Variants in FAM186B observed in about 807,000 individuals in gnomAD.
FAM186B encodes the protein protein FAM186B.
FAM186B carries 68 observed loss-of-function variants against 83.4 expected under a neutral mutation model. The observed-to-expected ratio is 0.81, with a 90% confidence interval of 0.67 to 1.00. The LOEUF (loss-of-function observed/expected upper bound fraction) is 1.00, where lower values mean the gene tolerates loss of function less well. Ranked by LOEUF, FAM186B falls within the 50% of genes least tolerant of loss-of-function variation. The probability of loss-of-function intolerance (pLI) is 0.00; values close to 1 mark genes in which losing one functional copy is unlikely to be tolerated. For missense variants in FAM186B, 983 were observed against 1,099.2 expected, an observed-to-expected ratio of 0.89 and a Z score of 1.49; for synonymous variants, 389 against 422.0, an observed-to-expected ratio of 0.92 and a Z score of 0.96.
chr12:49,598,828 C>G lies in FAM186B; in HGVS notation c.2291G>C (p.Trp764Ser), dbSNP rs1284192623. Reference protein sequence around the residue: ...DRLQSLRLQAWTDKQKGLEEK... With the variant: ...DRLQSLRLQASTDKQKGLEEK... ...CTCCAGCCCCTTCTGCTTGTCCGTC[C>G]AGGCCTGCAGCCTGAGACTCTGCAG... The change falls in exon 5 of 7, where the codon TGG becomes TCG. Residue 764 changes from tryptophan (W) to serine (S), a missense_variant. Physicochemically the swap from Trp to Ser is radical, Grantham distance 177 (BLOSUM62 -3). Transcript: ENST00000257894. The G allele has an allele frequency of 1.9e-6, 3 of 1,613,172 alleles. No individual in the cohort carries two copies. The highest frequency in any genetic ancestry group is 1.6e-4 in the Middle Eastern group (1 of 6,082).
In FAM186B at chr12:49,599,328, C is replaced by T. The variant is rs1939807608; in HGVS notation, c.2171+141G>A. The T allele has an allele frequency of 2.2e-6, 3 of 1,347,426 alleles. No homozygotes were observed. The Admixed American group carries it at 1.0e-4, about 45-fold the overall frequency. 83.5% of individuals were successfully genotyped at this position (1,347,426 alleles called of 1,614,324 possible). On this transcript the variant is annotated intron_variant, in intron 4 of 6. Transcript: ENST00000257894. The stretch of plus-strand genomic sequence containing the variant: ...CCCAGGCCAGACTTGCTTTCCAGGC[C>T]CCCACTCAGGAGACCCTGTCCAGGC...
At chr12:49,596,842 A>G (rs207472923) in intron 5 of FAM186B, among the ~76,000 whole-genome samples, 1 of 152,324 alleles carries the variant, frequency 6.6e-6, no homozygotes, top group African/African-American at 2.4e-5. Context: ...CCATTGCAGT[A>G]TTACTCACAG....
chr12:49,588,135 C>T (rs910620894), intron 6 of FAM186B, among the ~76,000 whole-genome samples: 3 of 152,248 alleles, frequency 2.0e-5, no homozygotes, highest in Admixed American at 6.5e-5. Context: ...GACAGACCAA[C>T]GGCAGATGCC....
At chr12:49,598,665 A>G in intron 5 of FAM186B, 90 bp downstream of exon 5, 1 of 1,206,740 alleles carries the variant, frequency 8.3e-7, no homozygotes, top group South Asian at 1.5e-5. Flanking sequence ...TCTCAGCCAC[A>G]TCCCCACGGG....
intron 1 of FAM186B, 119 bp downstream of exon 1, chr12:49,605,263 G>C (rs1350479982): frequency 1.3e-6 from 2 of 1,533,388 alleles, no homozygotes; most frequent in Non-Finnish European, 1.8e-6. Context: ...GACCCAGGTT[G>C]CTGAATATCC....
downstream of FAM186B, chr12:49,587,411 T>A (rs1356763528): frequency 9.0e-6 from 6 of 668,700 alleles, no homozygotes; most frequent in Non-Finnish European, 1.5e-5. Flanking sequence ...AGAACCGAAG[T>A]GCTGTTGGCA....
At chr12:49,622,331 G>C in the FAM186B span, among the ~76,000 whole-genome samples, 106 of 152,256 alleles carry the variant, frequency 7.0e-4, no homozygotes, top group African/African-American at 2.3e-3. Context: ...GCAGTACAGG[G>C]AGACGTCGTC....
chr12:49,595,962 C>T (rs1206015369), intron 5 of FAM186B, among the ~76,000 whole-genome samples: 1 of 152,038 alleles, frequency 6.6e-6, no homozygotes, highest in African/African-American at 2.4e-5. Flanking sequence ...CCAGCCTGGG[C>T]GACAGAGCGA....
At position 49,600,251 on chromosome 12, in the gene FAM186B, C is replaced by T. The variant is rs1000946854; in HGVS notation, c.1389G>A (p.Leu463=). The T allele has an allele frequency of 6.8e-6, 11 of 1,613,980 alleles. No homozygotes were observed. Among genetic ancestry groups the T allele is most frequent in the Admixed American group, 1.7e-5 (1 of 60,014 alleles). Reference sequence around the variant, plus strand: ...TCACCTGCCTGGAGCTCTCTAGAGACAGCTGCTTGCTACAGTGGAACTTAA... The same window carrying T: ...TCACCTGCCTGGAGCTCTCTAGAGATAGCTGCTTGCTACAGTGGAACTTAA... ...LQIKFHCSKQ[L]SLESSRQVTS... is the part of the protein sequence containing the mutation. Residue 463 remains leucine (L), a synonymous_variant, in exon 4 of 7, where the codon CTG becomes CTA. Coordinates refer to ENST00000257894, the MANE Select transcript of FAM186B (RefSeq NM_032130.3). This position sits in a 1 kb window ranked among gnomAD's most constrained non-coding sequence, Gnocchi z 4.3.
the FAM186B span, among the ~76,000 whole-genome samples, chr12:49,612,004 A>G: frequency 6.6e-6 from 1 of 152,268 alleles, no homozygotes; most frequent in East Asian, 1.9e-4. Flanking sequence ...CATGGAAATA[A>G]AAGAACAATA....
Position 49,587,753 on chromosome 12 carries a change from C to G in FAM186B, c.2535-1G>C. On this transcript the variant is annotated splice_acceptor_variant, in intron 6 of 6. Transcript: ENST00000257894. LOFTEE classifies it high-confidence loss of function. ...AGCCTCCATCTGCTTCCCCTGTTGG[C>G]TGGGAGTGGGGAGTTTGGAGAATGT... 1 of 1,611,614 alleles carries G rather than the reference C, an allele frequency of 6.2e-7. No individual in the cohort carries two copies. The highest frequency in any genetic ancestry group is 8.5e-7 in the Non-Finnish European group (1 of 1,178,924).
the FAM186B span, chr12:49,619,380 G>A: frequency 2.4e-6 from 1 of 419,206 alleles, no homozygotes; most frequent in South Asian, 4.5e-5. Flanking sequence ...AAAATCTAGG[G>A]ATCCAAACTT....
intron 2 of FAM186B, among the ~76,000 whole-genome samples, chr12:49,603,809 G>A (rs560287932): frequency 2.0e-5 from 3 of 152,172 alleles, no homozygotes; most frequent in Non-Finnish European, 2.9e-5. Flanking sequence ...GCAGGGGGCA[G>A]GGCACATACC....
the FAM186B span, among the ~76,000 whole-genome samples, chr12:49,616,477 C>G: frequency 1.3e-5 from 2 of 152,174 alleles, no homozygotes; most frequent in African/African-American, 4.8e-5. Flanking sequence ...AACAGTCCAT[C>G]AACTGGTGAA....
intron 5 of FAM186B, among the ~76,000 whole-genome samples, chr12:49,592,216 G>A (rs1349605164): frequency 2.0e-5 from 3 of 152,236 alleles, no homozygotes; most frequent in Non-Finnish European, 4.4e-5. Context: ...GCTCACGCCT[G>A]TAATCCCAGC....
chr12:49,588,345 T>G, intron 6 of FAM186B, 109 bp downstream of exon 6: 1 of 1,342,824 alleles, frequency 7.4e-7, no homozygotes, highest in Non-Finnish European at 1.0e-6. Flanking sequence ...TAGGGTGATA[T>G]TGGCCTGTTG....
Position 49,600,731 on chromosome 12 carries a change from C to T in FAM186B, c.909G>A (p.Arg303=). The stretch of plus-strand genomic sequence containing the variant: ...GCTTCATCAGGAGAAGGTCATGGTA[C>T]CTTCCCCCTAAGATCTCTACCTGCT... ...LLKQVEILGG[R]YHDLLLMKQA... Residue 303 remains arginine, a synonymous_variant, in exon 4 of 7, where the codon AGG becomes AGA. Transcript: ENST00000257894. The surrounding 1 kb of genome is among the most constrained non-coding windows in gnomAD (Gnocchi z 4.3). The T allele has an allele frequency of 6.2e-7, 1 of 1,614,196 alleles. No homozygotes were observed. The highest frequency in any genetic ancestry group is 8.5e-7 in the Non-Finnish European group (1 of 1,180,022).
In FAM186B at chr12:49,588,643, G is replaced by A. The variant is rs551256193; in HGVS notation, c.2365-20C>T. 7 of 1,545,730 alleles carry A rather than the reference G, an allele frequency of 4.5e-6. No individual in the cohort carries two copies. In the East Asian group the frequency reaches 1.6e-4, roughly 35 times the overall value. ...CTGGAGCTAGAGGAACCAGCAGAGA[G>A]GCATCAGGGAAACAGGAAGTTATCT... On this transcript the variant is annotated intron_variant, in intron 5 of 6. Coordinates refer to ENST00000257894, the MANE Select transcript of FAM186B (RefSeq NM_032130.3).
chr12:49,620,693 G>T, the FAM186B span, among the ~76,000 whole-genome samples: 2 of 152,242 alleles, frequency 1.3e-5, no homozygotes, highest in East Asian at 1.9e-4. Context: ...TAGTTCTTTT[G>T]TAATTGTAGA....
Sources: allele counts gnomAD v4.1 joint callset (sites outside exome capture counted in the v4.1 genomes callset), GRCh38; gene constraint gnomAD v4.1.1; non-coding constraint Gnocchi (gnomAD v3.1); transcripts MANE v1.5; gene names NCBI Gene and HGNC (gene_info 2026-07-23, HGNC 2026-07-21).